CDH22: variants seen among roughly 807,000 people sequenced by gnomAD.
CDH22 encodes the protein cadherin 22.
Under a neutral mutation model 58.4 loss-of-function variants are expected in CDH22, and 30 were observed. That is an observed-to-expected ratio of 0.51 (90% CI 0.38 to 0.70). The LOEUF (loss-of-function observed/expected upper bound fraction) is 0.70. Among genes scored for constraint, CDH22 ranks in the 30% least tolerant of loss-of-function variants. The probability of loss-of-function intolerance (pLI) is 0.00; values close to 1 mark genes in which losing one functional copy is unlikely to be tolerated. For missense variants in CDH22, 1,014 were observed against 1,233.9 expected (o/e 0.82, Z 2.67); for synonymous variants, 513 against 558.2 (o/e 0.92, Z 1.14).
At chr20:46,181,609 T>TTCCCTCCGTCCC (rs2085784539) in intron 10 of CDH22, among the ~76,000 whole-genome samples, 1 of 142,622 alleles carries the variant, frequency 7.0e-6, no homozygotes. Flanking sequence ...CCTTCCTTCC[T>TTCCCTCCGTCCC]TCCCTCCCTC....
chr20:46,185,510 C>T (rs2085818876), intron 10 of CDH22, among the ~76,000 whole-genome samples: 2 of 152,164 alleles, frequency 1.3e-5, no homozygotes, highest in Admixed American at 1.3e-4. Flanking sequence ...TCAGTTTCAT[C>T]ACCTGTAAAA....
intron 4 of CDH22, among the ~76,000 whole-genome samples, chr20:46,218,265 G>A (rs1281242514): frequency 1.3e-5 from 2 of 152,098 alleles, no homozygotes; most frequent in African/African-American, 4.8e-5. Context: ...CACACACATT[G>A]CACCTGCATT....
At chr20:46,236,779 C>A (rs1027840449) in intron 3 of CDH22, among the ~76,000 whole-genome samples, 1 of 151,428 alleles carries the variant, frequency 6.6e-6, no homozygotes, top group Non-Finnish European at 1.5e-5. Context: ...GCAATCTCTG[C>A]CTCCCCAGTT....
chr20:46,265,851 A>C lies in CDH22; in HGVS notation c.-399-14158T>G, dbSNP rs114207260. Among the ~76,000 whole-genome samples the C allele has an allele frequency of 8.6e-3, 1,255 of 146,662 alleles. 17 individuals carry two copies. Among genetic ancestry groups the C allele is most frequent in the African/African-American group, 0.03 (1,171 of 39,452 alleles). On this transcript the variant is annotated intron_variant, in intron 1 of 11. Coordinates refer to ENST00000537909, the MANE Select transcript of CDH22 (RefSeq NM_021248.3). ...TCCACCTTCTTCTCTTCTTCTTCCT[A>C]CTTCTCTTCCTGTTCCACCTCCTGG...
intron 4 of CDH22, among the ~76,000 whole-genome samples, chr20:46,226,254 T>C (rs969326575): frequency 9.6e-5 from 1 of 10,412 alleles, no homozygotes; most frequent in Non-Finnish European, 1.9e-4. Context: ...CTTCTTCTTC[T>C]TCTTCTTCTT....
At chr20:46,257,186 G>T (rs1269616367) in intron 1 of CDH22, among the ~76,000 whole-genome samples, 1 of 152,036 alleles carries the variant, frequency 6.6e-6, no homozygotes, top group African/African-American at 2.4e-5. Context: ...GCATGTGCCT[G>T]TAGTCCCAGC....
At chr20:46,258,875 G>T (rs151223509) in intron 1 of CDH22, among the ~76,000 whole-genome samples, 74 of 152,340 alleles carry the variant, frequency 4.9e-4, no homozygotes, top group Non-Finnish European at 1.0e-3. Context: ...AGGGTCCCAG[G>T]GGCCAAGAAG....
intron 8 of CDH22, among the ~76,000 whole-genome samples, chr20:46,192,883 C>T (rs1024585494): frequency 1.3e-5 from 2 of 151,974 alleles, no homozygotes; most frequent in East Asian, 3.9e-4. Context: ...TAGACAGAAG[C>T]GAACTCCTTG....
chr20:46,175,429 C>T (rs920682105), intron 11 of CDH22, among the ~76,000 whole-genome samples: 1 of 152,170 alleles, frequency 6.6e-6, no homozygotes, highest in African/African-American at 2.4e-5. Flanking sequence ...ACTCTAGGTG[C>T]TGGGGGTCTG....
intron 1 of CDH22, among the ~76,000 whole-genome samples, chr20:46,294,550 G>A (rs2086620203): frequency 6.6e-6 from 1 of 152,172 alleles, no homozygotes. Context: ...TGAAAACAAT[G>A]TTTATGAGTT....
chr20:46,178,669 G>A (rs1369309124), intron 10 of CDH22, among the ~76,000 whole-genome samples: 5 of 138,250 alleles, frequency 3.6e-5, no homozygotes, highest in Non-Finnish European at 7.6e-5. Flanking sequence ...AGCGTATTCT[G>A]ACCCTAGGAA....
chr20:46,196,130 G>C (rs946491749), intron 8 of CDH22, among the ~76,000 whole-genome samples: 1 of 152,206 alleles, frequency 6.6e-6, no homozygotes, highest in African/African-American at 2.4e-5. Context: ...CTTGGGTCAA[G>C]CCTGCCCCTG....
At chr20:46,199,707 G>A in intron 7 of CDH22, 148 bp from the exon 8 acceptor site, 2 of 969,188 alleles carry the variant, frequency 2.1e-6, no homozygotes, top group Non-Finnish European at 1.5e-6. Context: ...GAGGAGGAGC[G>A]GGAAGCAACT....
intron 2 of CDH22, among the ~76,000 whole-genome samples, chr20:46,247,218 C>T (rs1049972731): frequency 2.0e-5 from 3 of 152,162 alleles, no homozygotes; most frequent in South Asian, 2.1e-4. Flanking sequence ...TTACTGAGCA[C>T]GTGCCAGGAC....
rs1185236454 is a variant in CDH22 at position 46,241,106 on chromosome 20, C to T, written c.407G>A (p.Arg136Gln). Reference sequence around the variant, plus strand: ...GGTGGCGCGATCCCGAGCCTGGGCCCGCAGCGTGTAGAAGGTTTTCTGCTC... The same window carrying T: ...GGTGGCGCGATCCCGAGCCTGGGCCTGCAGCGTGTAGAAGGTTTTCTGCTC... ...DREQKTFYTL[R>Q]AQARDRATNR... Residue 136 changes from arginine (R) to glutamine (Q), a missense_variant, in exon 3 of 12, where the codon CGG becomes CAG. Around this residue, in one of 2 missense-constraint regions of CDH22, gnomAD observed 806 missense variants for 1,038.7 expected, o/e 0.78. Coordinates refer to ENST00000537909, the MANE Select transcript of CDH22 (RefSeq NM_021248.3). This position sits in a 1 kb window ranked among gnomAD's most constrained non-coding sequence, Gnocchi z 5.2. 2 of 1,614,174 alleles carry T rather than the reference C, an allele frequency of 1.2e-6. No homozygotes were observed. Among genetic ancestry groups the T allele is most frequent in the South Asian group, 1.1e-5 (1 of 91,088 alleles).
At chr20:46,304,443 C>G (rs1039796778) in intron 1 of CDH22, among the ~76,000 whole-genome samples, 1 of 152,194 alleles carries the variant, frequency 6.6e-6, no homozygotes, top group Non-Finnish European at 1.5e-5. Context: ...AACTAAGGCT[C>G]AGAGAGGTAA....
At chr20:46,281,648 A>G (rs917292755) in intron 1 of CDH22, among the ~76,000 whole-genome samples, 1 of 152,226 alleles carries the variant, frequency 6.6e-6, no homozygotes, top group Admixed American at 6.5e-5. Context: ...CAACAAACAC[A>G]GAGTGCATTA....
chr20:46,271,760 T>C (rs1257564024), intron 1 of CDH22, among the ~76,000 whole-genome samples: 2 of 152,128 alleles, frequency 1.3e-5, no homozygotes, highest in Non-Finnish European at 2.9e-5. Flanking sequence ...CCTTTGCAGG[T>C]GTGTCCTTCT....
intron 1 of CDH22, among the ~76,000 whole-genome samples, chr20:46,307,715 A>G (rs2059030226): frequency 6.6e-6 from 1 of 151,856 alleles, no homozygotes; most frequent in Non-Finnish European, 1.5e-5. Context: ...CGGACGCGGC[A>G]CGACCTCGCA....
Sources: gnomAD v4.1 joint callset for allele counts (sites outside exome capture counted in the v4.1 genomes callset) on GRCh38, gnomAD v4.1.1 for gene constraint, gnomAD v4.1.1 regional missense constraint, Gnocchi (gnomAD v3.1) non-coding constraint, MANE v1.5 for transcripts, NCBI Gene and HGNC (gene_info 2026-07-23, HGNC 2026-07-21) for gene names.